The following SPNS1 variants were observed in gnomAD, a reference collection of about 807,000 sequenced individuals.
SPNS1 encodes SPNS lysolipid transporter 1, lysophospholipid.
A neutral mutation model predicts 50.3 loss-of-function variants in SPNS1; 22 were observed. The ratio of observed to expected loss-of-function variants is 0.44; its 90% CI spans 0.31 to 0.62. The LOEUF (loss-of-function observed/expected upper bound fraction) is 0.62, where lower values mean the gene tolerates loss of function less well. Ranked by LOEUF, SPNS1 falls within the 20% of genes least tolerant of loss-of-function variation. The pLI, the probability that SPNS1 is intolerant of heterozygous loss-of-function variation, is 0.07. For synonymous variants in SPNS1, 295 were observed against 317.4 expected (o/e 0.93, Z 0.75); for missense variants, 576 against 728.6 (o/e 0.79, Z 2.41).
intron 8 of SPNS1, 135 bp from the exon 9 acceptor site, chr16:28,982,722 A>T: frequency 8.2e-7 from 1 of 1,226,184 alleles, no homozygotes; most frequent in Non-Finnish European, 1.2e-6. Context: ...CATGTGTAAA[A>T]TGGGGATATT....
chr16:28,982,527 T>C lies in SPNS1; in HGVS notation c.1137T>C (p.Gly379=). 3.1e-6 allele frequency: 5 copies of C among 1,610,242 alleles called. No individual in the cohort carries two copies. The highest frequency in any genetic ancestry group is 4.2e-6 in the Non-Finnish European group (5 of 1,178,064). ...TCCTGTCCCTTGCCTGCGCCCGTGG[T>C]AGCATCGTGGCCACTTATGTGAGTA... ...FLFLSLACAR[G]SIVATYIFIF... is the part of the protein sequence containing the mutation. Residue 379 remains glycine, a synonymous_variant, in exon 8 of 12, where the codon GGT becomes GGC. Coordinates refer to ENST00000311008, the MANE Select transcript of SPNS1 (RefSeq NM_032038.3).
At position 28,979,215 on chromosome 16, in the gene SPNS1, A is replaced by G; in HGVS notation, c.505A>G (p.Thr169Ala). 6.2e-7 allele frequency: 1 copy of G among 1,613,890 alleles called. No individual in the cohort carries two copies. The highest frequency in any genetic ancestry group is 8.5e-7 in the Non-Finnish European group (1 of 1,179,986). Residue 169 changes from threonine (T) to alanine (A), a missense_variant, in exon 4 of 12, where the codon ACC (threonine) becomes GCC (alanine). Coordinates refer to ENST00000311008, the MANE Select transcript of SPNS1 (RefSeq NM_032038.3). Reference sequence around the variant, plus strand: ...GGGGGTCGGGGAGGCCAGTTATTCCACCATCGCGCCCACTCTCATTGCCGA... The same window carrying G: ...GGGGGTCGGGGAGGCCAGTTATTCCGCCATCGCGCCCACTCTCATTGCCGA... ...LVGVGEASYS[T>A]IAPTLIADLF... is the part of the protein sequence containing the mutation.
chr16:28,982,664 CTG>C, intron 8 of SPNS1, 119 bp downstream of exon 8: 1 of 1,324,394 alleles, frequency 7.6e-7, no homozygotes, highest in Non-Finnish European at 1.0e-6. Flanking sequence ...CTCTTCCCAG[CTG>C]TGTGACATTG....
At chr16:28,976,011 C>T (rs1222187081) in intron 2 of SPNS1, among the ~76,000 whole-genome samples, 1 of 152,162 alleles carries the variant, frequency 6.6e-6, no homozygotes, top group Non-Finnish European at 1.5e-5. Flanking sequence ...GTGACTCACG[C>T]CTGTAGTCCC....
At position 28,983,758 on chromosome 16, in the gene SPNS1, C is replaced by T; in HGVS notation, c.1321-28C>T. 5.2e-6 allele frequency: 8 copies of T among 1,549,502 alleles called. No homozygotes were observed. Among genetic ancestry groups the T allele is most frequent in the Non-Finnish European group, 7.0e-6 (8 of 1,148,684 alleles). On this transcript the variant is annotated intron_variant, in intron 10 of 11. Coordinates refer to ENST00000311008, the MANE Select transcript of SPNS1 (RefSeq NM_032038.3). The surrounding 1 kb of genome is among the most constrained non-coding windows in gnomAD (Gnocchi z 5.4). ...TGGTTCATCCATGAGGCTGACTCCC[C>T]TGGCTTTCCTGTCTCCTCTCCCTGC... is the stretch of plus-strand genomic sequence containing the variant.
At chr16:28,975,580 C>T (rs1345827004) in intron 2 of SPNS1, 23 bp downstream of exon 2, 1 of 1,613,136 alleles carries the variant, frequency 6.2e-7, no homozygotes, top group Non-Finnish European at 8.5e-7. Context: ...CACTCCTGGT[C>T]ACACAGCCGC....
In SPNS1 at chr16:28,983,070, G is replaced by T. The variant is rs770349253; in HGVS notation, c.1222-122G>T. On this transcript the variant is annotated intron_variant, in intron 9 of 11. Coordinates refer to ENST00000311008, the MANE Select transcript of SPNS1 (RefSeq NM_032038.3). The surrounding 1 kb of genome is among the most constrained non-coding windows in gnomAD (Gnocchi z 5.4). ...GTAGCAGACCCCCGGCCTGCCCTGC[G>T]ACCTCAACCCCAGGCACACCTCTGA... 235 of 1,209,390 alleles carry T rather than the reference G, an allele frequency of 1.9e-4. No individual in the cohort carries two copies. The highest frequency in any genetic ancestry group is 2.6e-4 in the Non-Finnish European group (220 of 834,474). The allele number at this position is 1,209,390 out of a possible 1,614,324, so 74.9% of individuals were successfully genotyped here. A position where few individuals can be genotyped will look rare whatever the true frequency, so the allele number is the denominator to read the frequency against.
rs900902253 is a variant in SPNS1, at chr16:28,979,060, C to T, written c.445-95C>T. On this transcript the variant is annotated intron_variant, in intron 3 of 11. Coordinates refer to ENST00000311008, the MANE Select transcript of SPNS1 (RefSeq NM_032038.3). The stretch of plus-strand genomic sequence containing the variant: ...GTGATTCTAAAACCCAGGCATCTCC[C>T]GCCATCCCTGCTGCCTCTTGGGAGC... 79 of 1,478,182 alleles carry T rather than the reference C, an allele frequency of 5.3e-5. No homozygotes were observed. In the South Asian group the frequency reaches 6.4e-4, roughly 12 times the overall value. The allele number at this position is 1,478,182 out of a possible 1,614,324, so 91.6% of individuals were successfully genotyped here. A position where few individuals can be genotyped will look rare whatever the true frequency, so the allele number is the denominator to read the frequency against.
Position 28,975,256 on chromosome 16 carries a change from G to T in SPNS1, c.105G>T (p.Lys35Asn), listed in dbSNP as rs1046445235. ...PGLPGSTGNP[K>N]SEEPEVPDQE... is the part of the protein sequence containing the mutation. The stretch of plus-strand genomic sequence containing the variant: ...TGCCAGGGTCCACGGGGAACCCGAA[G>T]TCCGAGGAGCCCGAGGTCCCGGACC... Residue 35 changes from lysine to asparagine, a missense_variant, in exon 1 of 12, where the codon AAG becomes AAT. Lys to Asn is a moderately conservative substitution (Grantham distance 94). Coordinates refer to ENST00000311008, the MANE Select transcript of SPNS1 (RefSeq NM_032038.3). The T allele has an allele frequency of 3.2e-6, 5 of 1,550,030 alleles. No individual in the cohort carries two copies. Among genetic ancestry groups the T allele is most frequent in the Admixed American group, 3.9e-5 (2 of 51,744 alleles).
rs1338003203 is a variant in SPNS1, at chr16:28,983,376, G to A, written c.1320+86G>A. On this transcript the variant is annotated intron_variant, in intron 10 of 11. Transcript: ENST00000311008. This position sits in a 1 kb window ranked among gnomAD's most constrained non-coding sequence, Gnocchi z 5.4. ...AAGGCCTGGCCCTAGTGAAGTGTCT[G>A]TGTCCTGCGTGCTGGGCACTTCTCA... 23 of 1,056,650 alleles carry A rather than the reference G, an allele frequency of 2.2e-5. 1 individual carries two copies. The Admixed American group carries it at 4.1e-4, about 19-fold the overall frequency. 65.5% of individuals were successfully genotyped at this position (1,056,650 alleles called of 1,614,324 possible). A position where few individuals can be genotyped will look rare whatever the true frequency, so the allele number is the denominator to read the frequency against.
At chr16:28,982,231 G>A in intron 7 of SPNS1, 125 bp from the exon 8 acceptor site, 1 of 1,361,720 alleles carries the variant, frequency 7.3e-7, no homozygotes. Flanking sequence ...CTGCCACTCA[G>A]GGCTGTGCCA....
chr16:28,978,149 G>A, intron 3 of SPNS1, 105 bp downstream of exon 3: 1 of 1,477,174 alleles, frequency 6.8e-7, no homozygotes, highest in Non-Finnish European at 9.2e-7. Flanking sequence ...GACTCCTGCA[G>A]TTTCCCTGGT....
chr16:28,982,308 C>T (rs908442517), intron 7 of SPNS1, 48 bp from the exon 8 acceptor site: 1 of 1,524,438 alleles, frequency 6.6e-7, no homozygotes, highest in Non-Finnish European at 8.8e-7. Flanking sequence ...GCGTAGGGGC[C>T]TTGGCAGGCA....
chr16:28,983,298 T>C lies in SPNS1; in HGVS notation c.1320+8T>C. 1 of 1,611,976 alleles carries C rather than the reference T, an allele frequency of 6.2e-7. No individual in the cohort carries two copies. The highest frequency in any genetic ancestry group is 1.1e-5 in the South Asian group (1 of 91,032). On this transcript the variant is annotated splice_region_variant and intron_variant, in intron 10 of 11. Transcript: ENST00000311008. This position sits in a 1 kb window ranked among gnomAD's most constrained non-coding sequence, Gnocchi z 5.4. ...CCCTACCTCATTGGCCTGGTGAGCA[T>C]TATTTCTTGGCTGGCATGGGGTGGC...
At chr16:28,975,850 T>A (rs989552000) in intron 2 of SPNS1, among the ~76,000 whole-genome samples, 2 of 152,250 alleles carry the variant, frequency 1.3e-5, no homozygotes, top group African/African-American at 4.8e-5. Context: ...TAAGCCTCAT[T>A]TTCCTTGTCT....
chr16:28,984,226 C>T lies in SPNS1; in HGVS notation c.1514C>T (p.Ser505Phe), dbSNP rs1249237594. 7.5e-6 allele frequency: 12 copies of T among 1,599,296 alleles called. No individual in the cohort carries two copies. The highest frequency in any genetic ancestry group is 1.0e-5 in the Non-Finnish European group (12 of 1,172,474). Reference protein sequence around the residue: ...HVQGLLHEAGSTDDRIVVPQR... With the variant: ...HVQGLLHEAGFTDDRIVVPQR... ...TCAGGCCTGCTGCACGAAGCAGGGT[C>T]CACAGACGACCGGATTGTGGTGCCC... Residue 505 changes from serine to phenylalanine, a missense_variant, in exon 12 of 12, where the codon TCC (serine) becomes TTC (phenylalanine). Ser to Phe is a radical substitution (Grantham distance 155). This residue lies in a region of SPNS1 where 428 missense variants were observed against 520.1 expected (regional missense o/e 0.82). Transcript: ENST00000311008.
At chr16:28,976,101 A>G (rs1479217866) in intron 2 of SPNS1, among the ~76,000 whole-genome samples, 1 of 152,086 alleles carries the variant, frequency 6.6e-6, no homozygotes, top group Non-Finnish European at 1.5e-5. Context: ...ACGAAACCCC[A>G]TCTGTACTAA....
rs1273986723 is a variant in SPNS1 at position 28,984,489 on chromosome 16, G to T, written c.*190G>T. On this transcript the variant is annotated 3_prime_UTR_variant, in exon 12 of 12. Transcript: ENST00000311008. ...TCCAGGAGGGGGATCCCTCTCCACA[G>T]GGGCAGCCCCAAGGGCTCGGTGCTA... 3 of 703,156 alleles carry T rather than the reference G, an allele frequency of 4.3e-6. No individual in the cohort carries two copies. In the East Asian group the frequency reaches 8.0e-5, roughly 19 times the overall value. The allele number at this position is 703,156 out of a possible 1,614,324, so 43.6% of individuals were successfully genotyped here.
rs143322433 is a variant in SPNS1 at position 28,984,272 on chromosome 16, C to T, written c.1560C>T (p.Arg520=). ...IVVPQRGRST[R]VPVASVLI ...TGCCCCAGCGGGGCCGCTCCACCCG[C>T]GTGCCCGTGGCCAGTGTGCTCATCT... The change falls in exon 12 of 12, where the codon CGC becomes CGT. Residue 520 remains arginine (R), a synonymous_variant. Transcript: ENST00000311008. 2.7e-5 allele frequency: 43 copies of T among 1,612,490 alleles called. No individual in the cohort carries two copies. Among genetic ancestry groups the T allele is most frequent in the African/African-American group, 9.3e-5 (7 of 75,058 alleles).
Sources: allele counts gnomAD v4.1 joint callset (sites outside exome capture counted in the v4.1 genomes callset), GRCh38; gene constraint gnomAD v4.1.1; regional missense constraint gnomAD v4.1.1; non-coding constraint Gnocchi (gnomAD v3.1); transcripts MANE v1.5; gene names NCBI Gene and HGNC (gene_info 2026-07-23, HGNC 2026-07-21).